The following ZNF423 variants were observed in gnomAD, a reference collection of about 807,000 sequenced individuals.
ZNF423 encodes the protein zinc finger protein 423, also known as Ebf-associated zinc finger protein.
A neutral mutation model predicts 95.8 loss-of-function variants in ZNF423; 12 were observed. The ratio of observed to expected loss-of-function variants is 0.13; its 90% CI spans 0.08 to 0.20. ZNF423 has a LOEUF of 0.20. Among genes scored for constraint, ZNF423 ranks in the 10% least tolerant of loss-of-function variants. The pLI is 1.00. For missense variants in ZNF423, 1,316 were observed against 1,737.1 expected, an observed-to-expected ratio of 0.76 and a Z score of 4.31; for synonymous variants, 749 against 711.9, an observed-to-expected ratio of 1.05 and a Z score of -0.83.
intron 5 of ZNF423, among the ~76,000 whole-genome samples, chr16:49,568,022 A>C (rs1048138495): frequency 6.6e-6 from 1 of 152,232 alleles, no homozygotes; most frequent in African/African-American, 2.4e-5. Context: ...CCTGAATCAT[A>C]GGTGAGCATG....
chr16:49,783,793 A>T (rs1344632940), intron 2 of ZNF423, among the ~76,000 whole-genome samples: 2 of 151,970 alleles, frequency 1.3e-5, no homozygotes, highest in African/African-American at 2.4e-5. Context: ...AACATGGTGA[A>T]ACCCCGTCTC....
chr16:49,646,682 G>A (rs2151898288), intron 3 of ZNF423, among the ~76,000 whole-genome samples: 1 of 150,930 alleles, frequency 6.6e-6, no homozygotes. Context: ...GCAATTCTCT[G>A]CCTCGGTAGG....
At chr16:49,756,072 CCA>C (rs2033721516) in intron 2 of ZNF423, among the ~76,000 whole-genome samples, 1 of 152,120 alleles carries the variant, frequency 6.6e-6, no homozygotes, top group African/African-American at 2.4e-5. Flanking sequence ...AAATAGGGAG[CCA>C]CTGGAGGTTT....
intron 1 of ZNF423, among the ~76,000 whole-genome samples, chr16:49,826,507 C>CG (rs1222860491): frequency 6.6e-6 from 1 of 152,188 alleles, no homozygotes; most frequent in Non-Finnish European, 1.5e-5. Context: ...CAGTCCCTAA[C>CG]CACCTGTGTG....
intron 1 of ZNF423, among the ~76,000 whole-genome samples, chr16:49,815,039 G>A (rs2034815455): frequency 6.6e-6 from 1 of 152,118 alleles, no homozygotes; most frequent in Non-Finnish European, 1.5e-5. Flanking sequence ...CTGCTGGTTA[G>A]GGCCTCAGGG....
intron 7 of ZNF423, among the ~76,000 whole-genome samples, chr16:49,499,335 G>A (rs937582333): frequency 6.6e-6 from 1 of 152,260 alleles, no homozygotes; most frequent in Non-Finnish European, 1.5e-5. Flanking sequence ...GGAGATGAGT[G>A]TTGCAACGCT....
intron 1 of ZNF423, among the ~76,000 whole-genome samples, chr16:49,804,447 G>A (rs2034630701): frequency 6.6e-6 from 1 of 152,114 alleles, no homozygotes; most frequent in South Asian, 2.1e-4. Context: ...ATCAATACTA[G>A]AGGAAATCTA....
chr16:49,637,664 C>T lies in ZNF423; in HGVS notation c.1512G>A (p.Gln504=). Residue 504 remains glutamine (Q), a synonymous_variant, in exon 4 of 8, where the codon CAG becomes CAA. Transcript: ENST00000563137. The surrounding 1 kb of genome is among the most constrained non-coding windows in gnomAD (Gnocchi z 5.6). ...PEMFADINSL[Q]EHIRVSHCGP... is the part of the protein sequence containing the mutation. ...CGCAGTGGGAGACGCGGATGTGCTC[C>T]TGCAGGCTATTGATGTCGGCGAACA... 1 of 1,614,132 alleles carries T rather than the reference C, an allele frequency of 6.2e-7. No individual in the cohort carries two copies. Among genetic ancestry groups the T allele is most frequent in the Non-Finnish European group, 8.5e-7 (1 of 1,180,048 alleles).
Position 49,636,292 on chromosome 16 carries a change from C to T in ZNF423, c.2884G>A (p.Gly962Ser). 6.2e-7 allele frequency: 1 copy of T among 1,612,704 alleles called. No individual in the cohort carries two copies. The highest frequency in any genetic ancestry group is 8.5e-7 in the Non-Finnish European group (1 of 1,180,016). Residue 962 changes from glycine (G) to serine (S), a missense_variant, in exon 4 of 8, where the codon GGC becomes AGC. Physicochemically the swap from Gly to Ser is moderately conservative, Grantham distance 56 (BLOSUM62 0). This residue lies in a region of ZNF423 where 620 missense variants were observed against 775.6 expected (regional missense o/e 0.80). Coordinates refer to ENST00000563137, the MANE Select transcript of ZNF423 (RefSeq NM_001379286.1). The surrounding 1 kb of genome is among the most constrained non-coding windows in gnomAD (Gnocchi z 8.6). ...GGACACATGTAGTGCTTGGCAGGGC[C>T]CCGGTGCGTCTGCAGGTGCTCCCGT... ...GLREHLQTHRGPAKHYMCPIC... is the reference protein window; with the variant it reads ...GLREHLQTHRSPAKHYMCPIC...
chr16:49,508,655 T>A (rs1453941526), intron 7 of ZNF423, among the ~76,000 whole-genome samples: 1 of 152,114 alleles, frequency 6.6e-6, no homozygotes, highest in Non-Finnish European at 1.5e-5. Context: ...TGACTTCTCC[T>A]TGTGCGTCCC....
intron 1 of ZNF423, among the ~76,000 whole-genome samples, chr16:49,805,076 A>T (rs568739811): frequency 1.9e-4 from 29 of 151,528 alleles, no homozygotes; most frequent in Middle Eastern, 3.4e-3. Flanking sequence ...ATTTTTGTAT[A>T]TTTAGTAGAG....
At chr16:49,820,612 G>A (rs1472807784) in intron 1 of ZNF423, among the ~76,000 whole-genome samples, 1 of 152,084 alleles carries the variant, frequency 6.6e-6, no homozygotes, top group Non-Finnish European at 1.5e-5. Flanking sequence ...GTGCACCTTG[G>A]TTGGAGTTCA....
chr16:49,517,467 C>T (rs1293915014), intron 7 of ZNF423, among the ~76,000 whole-genome samples: 2 of 152,154 alleles, frequency 1.3e-5, no homozygotes, highest in African/African-American at 4.8e-5. Context: ...AGGACAGACT[C>T]CTGGAAGCAC....
At chr16:49,629,136 C>T (rs1010588902) in intron 4 of ZNF423, among the ~76,000 whole-genome samples, 1 of 152,186 alleles carries the variant, frequency 6.6e-6, no homozygotes, top group Admixed American at 6.5e-5. Flanking sequence ...TCCTACTTCC[C>T]TCTTTATCAT....
intron 1 of ZNF423, among the ~76,000 whole-genome samples, chr16:49,800,764 G>A (rs1007772221): frequency 3.9e-5 from 6 of 152,138 alleles, no homozygotes; most frequent in African/African-American, 1.4e-4. Context: ...CTTTTCTGGT[G>A]AGGAAACAAA....
At chr16:49,803,933 C>CT (rs535349308) in intron 1 of ZNF423, among the ~76,000 whole-genome samples, 189 of 109,494 alleles carry the variant, frequency 1.7e-3, no homozygotes, top group South Asian at 2.6e-3. Context: ...GGATGAGTTT[C>CT]TTTTTTTTTT....
intron 5 of ZNF423, among the ~76,000 whole-genome samples, chr16:49,550,802 C>G (rs1969604316): frequency 6.6e-6 from 1 of 152,242 alleles, no homozygotes; most frequent in Non-Finnish European, 1.5e-5. Flanking sequence ...CCCAACAAGT[C>G]TAGCTCTGAG....
chr16:49,620,200 T>C (rs144989514), intron 5 of ZNF423, among the ~76,000 whole-genome samples: 28 of 134,780 alleles, frequency 2.1e-4, no homozygotes, highest in Non-Finnish European at 3.7e-4. Context: ...CACATACACA[T>C]ACACACACAG....
chr16:49,504,778 C>T (rs1451080989), intron 7 of ZNF423, among the ~76,000 whole-genome samples: 3 of 152,176 alleles, frequency 2.0e-5, no homozygotes, highest in African/African-American at 7.2e-5. Context: ...AGCAGAGGGG[C>T]TTTCTCTGTG....
Sources: allele counts gnomAD v4.1 joint callset (sites outside exome capture counted in the v4.1 genomes callset), GRCh38; gene constraint gnomAD v4.1.1; regional missense constraint gnomAD v4.1.1; non-coding constraint Gnocchi (gnomAD v3.1); transcripts MANE v1.5; gene names NCBI Gene and HGNC (gene_info 2026-07-23, HGNC 2026-07-21).